ZNF804B: variants seen among roughly 807,000 people sequenced by gnomAD.
The protein encoded by ZNF804B is zinc finger 804B.
ZNF804B carries 80 observed loss-of-function variants against 101.4 expected under a neutral mutation model. The observed-to-expected ratio is 0.79, with a 90% CI of 0.66 to 0.95. The LOEUF is 0.95. Ranked by LOEUF, ZNF804B falls within the 40% of genes least tolerant of loss-of-function variation. The pLI is 0.00. For missense variants in ZNF804B, 1,673 were observed against 1,561.9 expected (o/e 1.07, Z -1.20); for synonymous variants, 622 against 558.8 (o/e 1.11, Z -1.59).
chr7:89,262,991 G>A lies in ZNF804B; in HGVS notation c.249+44696G>A, dbSNP rs75322484. Among the ~76,000 whole-genome samples, 1,198 of 150,492 alleles carry A rather than the reference G, an allele frequency of 8.0e-3. 21 individuals are homozygous for A. Among genetic ancestry groups the A allele is most frequent in the African/African-American group, 0.028 (1,134 of 40,876 alleles). ...ACTTTGTAGCTTAGTTGTCCTGTACGACTATCTCCTCTTTTCATTCAGGGA... is the reference window on the plus strand; with the variant it reads ...ACTTTGTAGCTTAGTTGTCCTGTACAACTATCTCCTCTTTTCATTCAGGGA... On this transcript the variant is annotated intron_variant, in intron 2 of 3. Transcript: ENST00000333190.
chr7:89,302,826 C>T lies in ZNF804B; in HGVS notation c.250-24518C>T, dbSNP rs545874000. 3.3e-5 allele frequency among the ~76,000 whole-genome samples: 5 copies of T among 152,044 alleles called. No individual in the cohort carries two copies. In the East Asian group the frequency reaches 9.7e-4, roughly 29 times the overall value. On this transcript the variant is annotated intron_variant, in intron 2 of 3. Coordinates refer to ENST00000333190, the MANE Select transcript of ZNF804B (RefSeq NM_181646.5). ...GCTGCATGAATATCTTTTCCATCTTCATCTAGGTCAGTGCCTAACACAGAG... is the reference window on the plus strand; with the variant it reads ...GCTGCATGAATATCTTTTCCATCTTTATCTAGGTCAGTGCCTAACACAGAG...
chr7:89,113,489 G>A (rs142484307), intron 1 of ZNF804B, among the ~76,000 whole-genome samples: 98 of 152,274 alleles, frequency 6.4e-4, no homozygotes, highest in African/African-American at 2.3e-3. Context: ...TAACTTGAGA[G>A]AAGGATCAAT....
At chr7:89,026,942 A>G (rs377114756) in intron 1 of ZNF804B, among the ~76,000 whole-genome samples, 3 of 152,276 alleles carry the variant, frequency 2.0e-5, no homozygotes, top group East Asian at 3.9e-4. Flanking sequence ...TATTCTAAGA[A>G]AGTGGATAAC....
intron 2 of ZNF804B, among the ~76,000 whole-genome samples, chr7:89,233,413 T>G (rs1468826759): frequency 6.6e-6 from 1 of 152,086 alleles, no homozygotes; most frequent in South Asian, 2.1e-4. Context: ...ATATAATGTA[T>G]TTTTTATGAA....
chr7:88,989,549 A>G (rs189968774), intron 1 of ZNF804B, among the ~76,000 whole-genome samples: 18 of 152,208 alleles, frequency 1.2e-4, no homozygotes, highest in African/African-American at 4.3e-4. Context: ...CAGAATGCTC[A>G]GGCTTAGAGT....
At chr7:88,857,822 C>CTT (rs55841922) in intron 1 of ZNF804B, among the ~76,000 whole-genome samples, 3,970 of 81,092 alleles carry the variant, frequency 0.049, 654 homozygotes, top group African/African-American at 0.094. Context: ...CCTTTCTTTT[C>CTT]TTTTTTTTTT....
chr7:88,934,095 A>G (rs1018821377), intron 1 of ZNF804B, among the ~76,000 whole-genome samples: 7 of 152,078 alleles, frequency 4.6e-5, no homozygotes, highest in Non-Finnish European at 7.4e-5. Flanking sequence ...GACAGAATAG[A>G]GAACCCAAAA....
chr7:88,819,528 C>T (rs1790941979), intron 1 of ZNF804B, among the ~76,000 whole-genome samples: 1 of 152,128 alleles, frequency 6.6e-6, no homozygotes, highest in Non-Finnish European at 1.5e-5. Context: ...CATGATAGAT[C>T]CCACCAACTT....
intron 1 of ZNF804B, among the ~76,000 whole-genome samples, chr7:88,793,444 A>G (rs1243576520): frequency 1.3e-5 from 2 of 152,094 alleles, no homozygotes; most frequent in Non-Finnish European, 2.9e-5. Context: ...TGTTCAATAA[A>G]TGATGTTGCA....
chr7:88,878,176 G>A (rs1220706142), intron 1 of ZNF804B, among the ~76,000 whole-genome samples: 1 of 152,002 alleles, frequency 6.6e-6, no homozygotes, highest in East Asian at 1.9e-4. Flanking sequence ...TCTTCCACTG[G>A]TGGTAATTTG....
intron 1 of ZNF804B, among the ~76,000 whole-genome samples, chr7:89,215,069 C>T (rs1788869429): frequency 6.6e-6 from 1 of 152,116 alleles, no homozygotes; most frequent in Non-Finnish European, 1.5e-5. Flanking sequence ...AGAATTTATA[C>T]TCCTCCTGTT....
rs190194168 is a variant in ZNF804B at position 89,096,034 on chromosome 7, A to T, written c.109-122121A>T. Among the ~76,000 whole-genome samples the T allele has an allele frequency of 3.5e-3, 528 of 152,074 alleles. 5 individuals are homozygous for T. Among genetic ancestry groups the T allele is most frequent in the African/African-American group, 0.012 (494 of 41,486 alleles). ...GCCGGGCATGGTGGCGGGTGCCTGT[A>T]GTCCCAGCTACTCGGGAGGCTGAGG... On this transcript the variant is annotated intron_variant, in intron 1 of 3. Transcript: ENST00000333190.
intron 1 of ZNF804B, among the ~76,000 whole-genome samples, chr7:89,027,752 G>A (rs1410491729): frequency 1.3e-5 from 2 of 152,084 alleles, no homozygotes; most frequent in Admixed American, 6.6e-5. Flanking sequence ...GAACGGCAAG[G>A]CCCTAAAATC....
At chr7:89,230,305 G>A (rs1014381381) in intron 2 of ZNF804B, among the ~76,000 whole-genome samples, 57 of 73,998 alleles carry the variant, frequency 7.7e-4, no homozygotes, top group African/African-American at 3.5e-3. Flanking sequence ...GACATGGGGA[G>A]GGGGAGAGAG....
At chr7:88,994,740 A>G (rs911559711) in intron 1 of ZNF804B, among the ~76,000 whole-genome samples, 1 of 152,078 alleles carries the variant, frequency 6.6e-6, no homozygotes, top group Non-Finnish European at 1.5e-5. Flanking sequence ...TTTCTCAACA[A>G]CATACATTAA....
At chr7:89,155,728 G>A (rs899632173) in intron 1 of ZNF804B, among the ~76,000 whole-genome samples, 3 of 152,266 alleles carry the variant, frequency 2.0e-5, no homozygotes, top group South Asian at 2.1e-4. Flanking sequence ...AACAAACTCT[G>A]TTGAGTTGTT....
chr7:89,239,910 CTT>C (rs759583783), intron 2 of ZNF804B, among the ~76,000 whole-genome samples: 12 of 151,526 alleles, frequency 7.9e-5, no homozygotes, highest in Non-Finnish European at 1.6e-4. Flanking sequence ...TATATGGTCT[CTT>C]ATAATTCAAC....
At chr7:89,092,178 G>C (rs1359006222) in intron 1 of ZNF804B, among the ~76,000 whole-genome samples, 1 of 151,476 alleles carries the variant, frequency 6.6e-6, no homozygotes, top group South Asian at 2.1e-4. Context: ...TCCTCACATG[G>C]TGAAATAAAC....
chr7:88,946,689 C>A (rs1030188732), intron 1 of ZNF804B, among the ~76,000 whole-genome samples: 1 of 151,588 alleles, frequency 6.6e-6, no homozygotes, highest in East Asian at 2.0e-4. Flanking sequence ...ACCATTTCCT[C>A]TTTGTATCTC....
Sources: allele counts gnomAD v4.1 joint callset (sites outside exome capture counted in the v4.1 genomes callset), GRCh38; gene constraint gnomAD v4.1.1; transcripts MANE v1.5; gene names NCBI Gene and HGNC (gene_info 2026-07-23, HGNC 2026-07-21).